Variants in LPP observed in about 807,000 individuals in gnomAD.
LPP encodes LIM domain containing preferred translocation partner in lipoma, also known as lipoma-preferred partner.
A neutral mutation model predicts 60.4 loss-of-function variants in LPP; 38 were observed. That is an observed-to-expected ratio of 0.63 (90% CI 0.49 to 0.83). The LOEUF (loss-of-function observed/expected upper bound fraction) is 0.83, where lower values mean the gene tolerates loss of function less well. Ranked by LOEUF, LPP falls within the 40% of genes least tolerant of loss-of-function variation. The probability of loss-of-function intolerance (pLI) is 0.00; values close to 1 mark genes in which losing one functional copy is unlikely to be tolerated. For synonymous variants in LPP, 328 were observed against 290.8 expected (o/e 1.13, Z -1.30); for missense variants, 902 against 783.6 (o/e 1.15, Z -1.80).
chr3:188,800,492 A>G (rs534070831), intron 9 of LPP, among the ~76,000 whole-genome samples: 92 of 151,982 alleles, frequency 6.1e-4, no homozygotes, highest in South Asian at 1.0e-3. Flanking sequence ...TGATCCGCCC[A>G]CCTTGGCCTC....
intron 7 of LPP, among the ~76,000 whole-genome samples, chr3:188,647,264 A>G (rs1851274157): frequency 6.6e-6 from 1 of 152,212 alleles, no homozygotes; most frequent in African/African-American, 2.4e-5. Context: ...TGTGGTCCTC[A>G]CACAGGGCTC....
chr3:188,833,417 G>C (rs995707054), intron 9 of LPP, among the ~76,000 whole-genome samples: 1 of 152,236 alleles, frequency 6.6e-6, no homozygotes, highest in Non-Finnish European at 1.5e-5. Flanking sequence ...ATGCCAGTGA[G>C]ACAGAGTTGA....
chr3:188,362,608 A>G (rs185699096), intron 3 of LPP, among the ~76,000 whole-genome samples: 8 of 152,306 alleles, frequency 5.3e-5, no homozygotes, highest in African/African-American at 1.9e-4. Flanking sequence ...GATTAGATCG[A>G]CGTGTTTACA....
chr3:188,422,913 T>TTG (rs10689970), intron 4 of LPP, among the ~76,000 whole-genome samples: 22,663 of 133,702 alleles, frequency 0.17, 1,966 homozygotes, highest in East Asian at 0.41. Flanking sequence ...GGTGTCTTCT[T>TTG]TGTGTGTGTG....
intron 2 of LPP, among the ~76,000 whole-genome samples, chr3:188,281,003 C>CAGA (rs1167106998): frequency 3.7e-4 from 55 of 148,552 alleles, no homozygotes; most frequent in Non-Finnish European, 7.2e-4. Context: ...GGTGCAATAT[C>CAGA]TGCTCACTGC....
chr3:188,248,866 G>A (rs75439330), intron 2 of LPP, among the ~76,000 whole-genome samples: 3 of 152,168 alleles, frequency 2.0e-5, no homozygotes, highest in Non-Finnish European at 2.9e-5. Flanking sequence ...TAGCTATTAC[G>A]TTGTTAGATA....
In LPP at chr3:188,888,932, T is replaced by G. The variant is rs1456020178; in HGVS notation, c.*14453T>G. On this transcript the variant is annotated 3_prime_UTR_variant, in exon 12 of 12. Transcript: ENST00000617246. The stretch of plus-strand genomic sequence containing the variant: ...CTGCTTCAAGGGAATGTAAGCTTTA[T>G]GGCATTGAAACATTTAGGGAAAAAA... The G allele has an allele frequency of 9.1e-6, 2 of 219,042 alleles. No homozygotes were observed. Among genetic ancestry groups the G allele is most frequent in the African/African-American group, 2.2e-5 (1 of 44,530 alleles). 13.6% of individuals were successfully genotyped at this position (219,042 alleles called of 1,614,324 possible).
chr3:188,511,972 T>C (rs1012509619), intron 5 of LPP, among the ~76,000 whole-genome samples: 2 of 152,192 alleles, frequency 1.3e-5, no homozygotes, highest in African/African-American at 4.8e-5. Context: ...ATGTACGAGA[T>C]GTCGTTTTGG....
chr3:188,468,926 G>A lies in LPP; in HGVS notation c.194-15666G>A, dbSNP rs150567039. Among the ~76,000 whole-genome samples the A allele has an allele frequency of 2.6e-4, 40 of 152,220 alleles. No homozygotes were observed. The East Asian group carries it at 7.7e-3, about 29-fold the overall frequency. On this transcript the variant is annotated intron_variant, in intron 4 of 11. Coordinates refer to ENST00000617246, the MANE Select transcript of LPP (RefSeq NM_001375462.1). ...GCTAAATTATGTCTTTGGGCTGGCCGACCTGGTCTGCTAAAATAACAAGGT... is the reference window on the plus strand; with the variant it reads ...GCTAAATTATGTCTTTGGGCTGGCCAACCTGGTCTGCTAAAATAACAAGGT...
chr3:188,247,165 A>G (rs1160879210), intron 2 of LPP: 1 of 985,070 alleles, frequency 1.0e-6, no homozygotes, highest in African/African-American at 1.7e-5. Flanking sequence ...GGAACTGTCC[A>G]GAAGACCTCT....
intron 9 of LPP, among the ~76,000 whole-genome samples, chr3:188,849,692 G>C (rs1443204422): frequency 6.6e-6 from 1 of 152,008 alleles, no homozygotes; most frequent in Non-Finnish European, 1.5e-5. Flanking sequence ...TCTATGCTTT[G>C]ATTTTGTTTT....
intron 8 of LPP, among the ~76,000 whole-genome samples, chr3:188,736,061 C>A (rs905598071): frequency 6.6e-6 from 1 of 152,046 alleles, no homozygotes; most frequent in East Asian, 1.9e-4. Flanking sequence ...AAAAACACAG[C>A]CCCTTCACTT....
chr3:188,602,142 C>CATATATATATA (rs1297088232), intron 6 of LPP, among the ~76,000 whole-genome samples: 2 of 103,704 alleles, frequency 1.9e-5, no homozygotes, highest in African/African-American at 3.7e-5. Context: ...TTCTTAATCT[C>CATATATATATA]ATATATATAT....
intron 3 of LPP, among the ~76,000 whole-genome samples, chr3:188,382,549 T>C (rs1202433787): frequency 6.6e-6 from 1 of 152,226 alleles, no homozygotes; most frequent in East Asian, 1.9e-4. Context: ...TTTTTCTACA[T>C]TTACATGTGT....
At chr3:188,618,668 T>C (rs2151517409) in intron 7 of LPP, among the ~76,000 whole-genome samples, 1 of 152,368 alleles carries the variant, frequency 6.6e-6, no homozygotes, top group East Asian at 1.9e-4. Context: ...ATATTTAACA[T>C]TATTTGAAAC....
chr3:188,200,700 T>C (rs564133330), intron 1 of LPP, among the ~76,000 whole-genome samples: 11 of 152,154 alleles, frequency 7.2e-5, no homozygotes, highest in Non-Finnish European at 1.0e-4. Context: ...CGGAACCTAA[T>C]TTACTAGCTT....
intron 2 of LPP, among the ~76,000 whole-genome samples, chr3:188,326,091 G>A (rs1758352567): frequency 6.6e-6 from 1 of 152,162 alleles, no homozygotes; most frequent in Admixed American, 6.5e-5. Context: ...ACAGATCTTG[G>A]GATTCATCTG....
intron 3 of LPP, among the ~76,000 whole-genome samples, chr3:188,367,398 T>C (rs1771532937): frequency 6.6e-6 from 1 of 152,174 alleles, no homozygotes; most frequent in Non-Finnish European, 1.5e-5. Flanking sequence ...AATATTTTAG[T>C]TGCCTATTGT....
intron 7 of LPP, among the ~76,000 whole-genome samples, chr3:188,634,739 A>G (rs1848423352): frequency 6.6e-6 from 1 of 152,168 alleles, no homozygotes; most frequent in Non-Finnish European, 1.5e-5. Context: ...CCCAGATGGG[A>G]CCATCTAGTT....
Sources: gnomAD v4.1 joint callset for allele counts (sites outside exome capture counted in the v4.1 genomes callset) on GRCh38, gnomAD v4.1.1 for gene constraint, MANE v1.5 for transcripts, NCBI Gene and HGNC (gene_info 2026-07-23, HGNC 2026-07-21) for gene names.